SLC27A1: variants seen among roughly 807,000 people sequenced by gnomAD.
SLC27A1 encodes the protein long-chain fatty acid transport protein 1.
Under a neutral mutation model 62.2 loss-of-function variants are expected in SLC27A1, and 61 were observed. The observed-to-expected ratio is 0.98, with a 90% confidence interval of 0.80 to 1.21. The LOEUF (loss-of-function observed/expected upper bound fraction) is 1.21. SLC27A1 is among the 50% of genes most tolerant of loss of function. The pLI, the probability that SLC27A1 is intolerant of heterozygous loss-of-function variation, is 0.00. For synonymous variants in SLC27A1, 435 were observed against 408.6 expected, an observed-to-expected ratio of 1.06 and a Z score of -0.78; for missense variants, 903 against 932.1, an observed-to-expected ratio of 0.97 and a Z score of 0.41.
intron 6 of SLC27A1, among the ~76,000 whole-genome samples, chr19:17,494,407 A>G (rs1209011425): frequency 6.6e-6 from 1 of 150,912 alleles, no homozygotes; most frequent in Non-Finnish European, 1.5e-5. Flanking sequence ...AGTTCACTGC[A>G]ACCTCCACCT....
At position 17,497,300 on chromosome 19, in the gene SLC27A1, C is replaced by T. The variant is rs781536551; in HGVS notation, c.1042C>T (p.Pro348Ser). The change falls in exon 7 of 12, where the codon CCG (proline) becomes TCG (serine). Residue 348 changes from proline (P) to serine (S), a missense_variant. Physicochemically the swap from Pro to Ser is moderately conservative, Grantham distance 74 (BLOSUM62 -1). Transcript: ENST00000252595. ...GEICRYLLKQ[P>S]VREAERRHRV... ...GATCTGCCGCTACCTGCTGAAGCAG[C>T]CGGTGCGCGAGGCGGAGAGGCGACA... is the stretch of plus-strand genomic sequence containing the variant. 1 of 1,606,682 alleles carries T rather than the reference C, an allele frequency of 6.2e-7. No individual in the cohort carries two copies. Among genetic ancestry groups the T allele is most frequent in the South Asian group, 1.1e-5 (1 of 90,076 alleles).
intron 11 of SLC27A1, among the ~76,000 whole-genome samples, chr19:17,502,326 T>C (rs1412109986): frequency 6.9e-6 from 1 of 144,054 alleles, no homozygotes; most frequent in African/African-American, 2.6e-5. Context: ...CTAAGCATTC[T>C]GAAATAGTGT....
In SLC27A1 at chr19:17,504,394, G is replaced by A. The variant is rs1025304060; in HGVS notation, c.1784-61G>A. On this transcript the variant is annotated intron_variant, in intron 11 of 11. Transcript: ENST00000252595. ...GTCCAGAGGTGCAGGAGAGGATATT[G>A]AGTTGAGGCCTCCCAGAAGCCACCT... 8 of 1,597,444 alleles carry A rather than the reference G, an allele frequency of 5.0e-6. No individual in the cohort carries two copies. The South Asian group carries it at 7.7e-5, about 15-fold the overall frequency.
intron 1 of SLC27A1, among the ~76,000 whole-genome samples, 177 bp downstream of exon 1, chr19:17,470,884 C>G (rs1308386668): frequency 1.3e-4 from 19 of 147,538 alleles, no homozygotes; most frequent in Non-Finnish European, 3.0e-5. Flanking sequence ...AGAGGGTGAC[C>G]AGTTGGGGGT....
chr19:17,487,624 C>T, intron 4 of SLC27A1, 95 bp downstream of exon 4: 1 of 1,245,188 alleles, frequency 8.0e-7, no homozygotes, highest in Non-Finnish European at 1.1e-6. Flanking sequence ...TGGGCATCTC[C>T]ATGTTACCCT....
chr19:17,499,814 AAAGGAAGGAAGG>A (rs200232852), intron 7 of SLC27A1: 2 of 161,366 alleles, frequency 1.2e-5, no homozygotes, highest in African/African-American at 4.8e-5. Flanking sequence ...CTCTATAAAA[AAAGGAAGGAAGG>A]AAGGAAGGGA....
intron 1 of SLC27A1, among the ~76,000 whole-genome samples, chr19:17,479,546 T>C (rs748491264): frequency 2.6e-5 from 4 of 152,218 alleles, no homozygotes; most frequent in East Asian, 1.9e-4. Flanking sequence ...CTACAATGAA[T>C]AGCACTGTTA....
chr19:17,504,404 C>T (rs1480175295), intron 11 of SLC27A1, 51 bp from the exon 12 acceptor site: 2 of 1,609,838 alleles, frequency 1.2e-6, no homozygotes, highest in African/African-American at 2.7e-5. Flanking sequence ...GAGTTGAGGC[C>T]TCCCAGAAGC....
chr19:17,479,135 A>C (rs1048335086), intron 1 of SLC27A1, among the ~76,000 whole-genome samples: 2 of 151,994 alleles, frequency 1.3e-5, no homozygotes, highest in African/African-American at 4.8e-5. Flanking sequence ...AGCTGGGAAC[A>C]GTACTCACGC....
upstream of SLC27A1, chr19:17,470,461 C>T (rs2075062427): frequency 1.5e-6 from 2 of 1,324,316 alleles, no homozygotes; most frequent in Non-Finnish European, 1.9e-6. Context: ...GCTGTAGAGG[C>T]GGGGGCGGTC....
Position 17,488,908 on chromosome 19 carries a change from C to T in SLC27A1, c.855C>T (p.Leu285=). Residue 285 remains leucine, a synonymous_variant, in exon 5 of 12, where the codon CTC becomes CTT. Coordinates refer to ENST00000252595, the MANE Select transcript of SLC27A1 (RefSeq NM_198580.3). ...ACCGCATGCAGGCGGCTGACGTGCT[C>T]TATGACTGCCTGCCCCTGTACCACT... is the stretch of plus-strand genomic sequence containing the variant. ...HAYRMQAADV[L]YDCLPLYHSA... 1 of 1,614,130 alleles carries T rather than the reference C, an allele frequency of 6.2e-7. No individual in the cohort carries two copies.
intron 6 of SLC27A1, chr19:17,496,163 C>T (rs2075347442): frequency 6.6e-6 from 1 of 152,198 alleles, no homozygotes; most frequent in African/African-American, 2.4e-5. Context: ...GTGGGTAATC[C>T]CTGGCATGCA....
At chr19:17,500,992 G>A in intron 10 of SLC27A1, 116 bp downstream of exon 10, 1 of 1,242,526 alleles carries the variant, frequency 8.0e-7, no homozygotes, top group Non-Finnish European at 1.1e-6. Flanking sequence ...ACTGCTCATG[G>A]CAGCCCAGGA....
intron 1 of SLC27A1, among the ~76,000 whole-genome samples, chr19:17,476,537 CAA>C (rs11332045): frequency 0.039 from 3,707 of 96,004 alleles, 152 homozygotes; most frequent in African/African-American, 0.12. Context: ...GACTCTGTCT[CAA>C]AAAAAAAAAA....
In SLC27A1 at chr19:17,497,304, T is replaced by G; in HGVS notation, c.1046T>G (p.Val349Gly). 1 of 1,606,028 alleles carries G rather than the reference T, an allele frequency of 6.2e-7. No homozygotes were observed. Among genetic ancestry groups the G allele is most frequent in the Non-Finnish European group, 8.5e-7 (1 of 1,177,456 alleles). The change falls in exon 7 of 12, where the codon GTG becomes GGG. Residue 349 changes from valine to glycine, a missense_variant. Val to Gly is a moderately radical substitution (Grantham distance 109, BLOSUM62 -3). Coordinates refer to ENST00000252595, the MANE Select transcript of SLC27A1 (RefSeq NM_198580.3). ...EICRYLLKQP[V>G]REAERRHRVR... is the part of the protein sequence containing the mutation. ...TGCCGCTACCTGCTGAAGCAGCCGG[T>G]GCGCGAGGCGGAGAGGCGACACCGC...
intron 6 of SLC27A1, among the ~76,000 whole-genome samples, chr19:17,489,481 C>T (rs2075274370): frequency 9.5e-6 from 1 of 105,504 alleles, no homozygotes; most frequent in Admixed American, 9.3e-5. Flanking sequence ...CGTGTAAACT[C>T]AATGCAATCC....
intron 7 of SLC27A1, 190 bp downstream of exon 7, chr19:17,497,654 G>T (rs1459188045): frequency 3.1e-6 from 2 of 646,258 alleles, no homozygotes; most frequent in Admixed American, 5.5e-5. Context: ...CAATCCTGCA[G>T]CCTGCACAGA....
chr19:17,494,185 A>AT (rs977088742), intron 6 of SLC27A1, among the ~76,000 whole-genome samples: 39 of 146,026 alleles, frequency 2.7e-4, no homozygotes, highest in East Asian at 1.4e-3. Context: ...CACCTGGCTA[A>AT]TTTTTTTTTT....
At chr19:17,494,118 C>T (rs1225076251) in intron 6 of SLC27A1, among the ~76,000 whole-genome samples, 3 of 148,292 alleles carry the variant, frequency 2.0e-5, no homozygotes, top group Non-Finnish European at 4.5e-5. Flanking sequence ...TCCTGGGTTC[C>T]CACCATTCTC....
Sources: gnomAD v4.1 joint callset for allele counts (sites outside exome capture counted in the v4.1 genomes callset) on GRCh38, gnomAD v4.1.1 for gene constraint, MANE v1.5 for transcripts, NCBI Gene and HGNC (gene_info 2026-07-23, HGNC 2026-07-21) for gene names.